EHBP1: variants seen among roughly 807,000 people sequenced by gnomAD.
The protein encoded by EHBP1 is EH domain-binding protein 1.
EHBP1 carries 55 observed loss-of-function variants against 144.0 expected under a neutral mutation model. That is an observed-to-expected ratio of 0.38 (90% CI 0.31 to 0.48). The LOEUF is 0.48. EHBP1 is among the 20% of genes least tolerant of loss of function. EHBP1 has a pLI of 0.98. For missense variants in EHBP1, 1,200 were observed against 1,364.2 expected (o/e 0.88, Z 1.90); for synonymous variants, 469 against 472.7 (o/e 0.99, Z 0.10).
chr2:62,755,863 A>G (rs1035941883), intron 3 of EHBP1, among the ~76,000 whole-genome samples: 5 of 152,214 alleles, frequency 3.3e-5, no homozygotes, highest in African/African-American at 1.2e-4. Context: ...AAAACAATTT[A>G]TCTCTTTTAA....
At chr2:62,798,914 G>A (rs62179315) in intron 5 of EHBP1, among the ~76,000 whole-genome samples, 4,600 of 145,462 alleles carry the variant, frequency 0.032, 94 homozygotes, top group Non-Finnish European at 0.047. Context: ...TGAGGCAGGA[G>A]AATGGCGTGA....
intron 19 of EHBP1, among the ~76,000 whole-genome samples, chr2:62,997,165 A>G (rs1186793651): frequency 6.6e-6 from 1 of 152,174 alleles, no homozygotes; most frequent in East Asian, 1.9e-4. Context: ...GGACGGCTCC[A>G]TGGACTAGAT....
intron 5 of EHBP1, among the ~76,000 whole-genome samples, chr2:62,817,242 A>G (rs1169545308): frequency 6.6e-6 from 1 of 152,182 alleles, no homozygotes; most frequent in Non-Finnish European, 1.5e-5. Context: ...TGAAATGTGT[A>G]TTGGGAGTGT....
At chr2:63,018,030 G>A (rs1375810526) in intron 19 of EHBP1, among the ~76,000 whole-genome samples, 2 of 152,050 alleles carry the variant, frequency 1.3e-5, no homozygotes, top group Non-Finnish European at 2.9e-5. Flanking sequence ...TGGTTGTGGT[G>A]GCACATGACT....
intron 7 of EHBP1, among the ~76,000 whole-genome samples, chr2:62,851,439 AT>A (rs2048686831): frequency 6.6e-6 from 1 of 152,194 alleles, no homozygotes; most frequent in Non-Finnish European, 1.5e-5. Flanking sequence ...GTTAGCTCAA[AT>A]GTAGATAAAA....
At chr2:62,890,070 C>G (rs1366224344) in intron 10 of EHBP1, among the ~76,000 whole-genome samples, 2 of 150,412 alleles carry the variant, frequency 1.3e-5, no homozygotes, top group Non-Finnish European at 1.5e-5. Flanking sequence ...AAGTGATTCT[C>G]CTGCCTCAGC....
rs2046351325 is a variant in EHBP1 at position 62,826,431 on chromosome 2, A to G, written c.494+163A>G. 5 of 563,242 alleles carry G rather than the reference A, an allele frequency of 8.9e-6. No individual in the cohort carries two copies. In the South Asian group the frequency reaches 1.7e-4, roughly 19 times the overall value. 34.9% of individuals were successfully genotyped at this position (563,242 alleles called of 1,614,324 possible). The stretch of plus-strand genomic sequence containing the variant: ...TAAGGGAACTCCTTGTTACTTATAA[A>G]TAGTCTCTTTTGACTCCAGAGAATG... On this transcript the variant is annotated intron_variant, in intron 6 of 22. Transcript: ENST00000431489.
chr2:62,980,595 T>A (rs1341720166), intron 15 of EHBP1, among the ~76,000 whole-genome samples: 1 of 152,192 alleles, frequency 6.6e-6, no homozygotes, highest in Non-Finnish European at 1.5e-5. Context: ...GCTTATAACA[T>A]CTAATCTTCC....
At chr2:63,037,925 A>G (rs2061507948) in intron 20 of EHBP1, among the ~76,000 whole-genome samples, 1 of 152,146 alleles carries the variant, frequency 6.6e-6, no homozygotes, top group South Asian at 2.1e-4. Flanking sequence ...TTTGGTTTAT[A>G]TTGAGAGAGG....
At chr2:62,746,400 A>ATG (rs2152139336) in intron 2 of EHBP1, among the ~76,000 whole-genome samples, 1 of 152,072 alleles carries the variant, frequency 6.6e-6, no homozygotes, top group African/African-American at 2.4e-5. Flanking sequence ...ATATATATAT[A>ATG]TGTATTTAAT....
At chr2:62,943,878 G>T (rs763244750) in intron 12 of EHBP1, 28 bp downstream of exon 12, 1 of 1,564,142 alleles carries the variant, frequency 6.4e-7, no homozygotes, top group Non-Finnish European at 8.8e-7. Flanking sequence ...AGAAAAATAC[G>T]TAGTTTCAAT....
intron 3 of EHBP1, among the ~76,000 whole-genome samples, chr2:62,750,864 T>G (rs539916650): frequency 6.6e-6 from 1 of 152,294 alleles, no homozygotes; most frequent in African/African-American, 2.4e-5. Flanking sequence ...AGTTGCTTAT[T>G]AGCTTAAGGA....
chr2:62,983,083 G>A (rs1040118758), intron 15 of EHBP1, among the ~76,000 whole-genome samples: 21 of 152,210 alleles, frequency 1.4e-4, no homozygotes, highest in African/African-American at 5.1e-4. Flanking sequence ...AGAAAACCAG[G>A]TAGTGTATTA....
At chr2:62,720,587 A>G (rs906594759) in intron 2 of EHBP1, among the ~76,000 whole-genome samples, 3 of 152,218 alleles carry the variant, frequency 2.0e-5, no homozygotes, top group Non-Finnish European at 4.4e-5. Flanking sequence ...GTGGGTCTAG[A>G]TATCAAGTTT....
chr2:62,861,696 C>G (rs1275858972), intron 8 of EHBP1, among the ~76,000 whole-genome samples: 1 of 151,194 alleles, frequency 6.6e-6, no homozygotes. Context: ...GAGCCAAGAT[C>G]GTGCCACTGC....
intron 5 of EHBP1, among the ~76,000 whole-genome samples, chr2:62,812,715 A>G (rs1446372723): frequency 6.6e-6 from 1 of 152,210 alleles, no homozygotes; most frequent in African/African-American, 2.4e-5. Flanking sequence ...AGAGTAATGA[A>G]CTAGGATATC....
At chr2:62,743,336 T>C (rs1483272032) in intron 2 of EHBP1, among the ~76,000 whole-genome samples, 3 of 152,126 alleles carry the variant, frequency 2.0e-5, no homozygotes, top group African/African-American at 7.2e-5. Flanking sequence ...TTTCTGTCAC[T>C]GTTCATGTTT....
chr2:62,758,140 A>G (rs533082018), intron 3 of EHBP1, among the ~76,000 whole-genome samples: 2 of 151,782 alleles, frequency 1.3e-5, no homozygotes, highest in Non-Finnish European at 2.9e-5. Context: ...AGACAGTCTT[A>G]CTCTGTTGCC....
chr2:62,855,436 G>A lies in EHBP1; in HGVS notation c.635-3733G>A, dbSNP rs184629669. 1.1e-3 allele frequency among the ~76,000 whole-genome samples: 163 copies of A among 152,246 alleles called. 2 individuals carry two copies. In the Middle Eastern group the frequency reaches 0.014, roughly 13 times the overall value. ...CACCTACACCCTAGGCACCATGAAT[G>A]GCAGCAGGAGGTAGGTTCCTGGGTA... is the stretch of plus-strand genomic sequence containing the variant. On this transcript the variant is annotated intron_variant, in intron 7 of 22. Transcript: ENST00000431489.
Sources: gnomAD v4.1 joint callset for allele counts (sites outside exome capture counted in the v4.1 genomes callset) on GRCh38, gnomAD v4.1.1 for gene constraint, MANE v1.5 for transcripts, NCBI Gene and HGNC (gene_info 2026-07-23, HGNC 2026-07-21) for gene names.